Variants in PTPRD observed in about 807,000 individuals in gnomAD.
The protein encoded by PTPRD is protein tyrosine phosphatase receptor type D, also known as receptor-type tyrosine-protein phosphatase delta.
PTPRD carries 34 observed loss-of-function variants against 214.5 expected under a neutral mutation model. That is an observed-to-expected ratio of 0.16 (90% confidence interval 0.12 to 0.21). PTPRD has a LOEUF of 0.21. Ranked by LOEUF, PTPRD falls within the 10% of genes least tolerant of loss-of-function variation. PTPRD has a pLI of 1.00. For synonymous variants in PTPRD, 1,128 were observed against 845.7 expected (o/e 1.33, Z -5.79); for missense variants, 2,545 against 2,398.7 (o/e 1.06, Z -1.27).
At chr9:8,536,443 A>G (rs1395624975) in intron 14 of PTPRD, among the ~76,000 whole-genome samples, 2 of 151,940 alleles carry the variant, frequency 1.3e-5, no homozygotes, top group Non-Finnish European at 2.9e-5. Context: ...ATATACGTAT[A>G]TAAATGTATA....
intron 11 of PTPRD, among the ~76,000 whole-genome samples, chr9:8,837,003 A>G (rs1237568813): frequency 6.7e-6 from 1 of 148,726 alleles, no homozygotes; most frequent in African/African-American, 2.5e-5. Flanking sequence ...TCTAGATTAC[A>G]GGCGTGAGCC....
At chr9:9,944,038 C>A (rs1025611976) in intron 4 of PTPRD, among the ~76,000 whole-genome samples, 1 of 152,124 alleles carries the variant, frequency 6.6e-6, no homozygotes, top group Non-Finnish European at 1.5e-5. Flanking sequence ...AGGCTTTAGT[C>A]TTCTTTTCTT....
At chr9:8,633,571 A>G in intron 13 of PTPRD, 113 bp from the exon 14 acceptor site, 1 of 1,224,126 alleles carries the variant, frequency 8.2e-7, no homozygotes, top group Non-Finnish European at 1.1e-6. Context: ...ACTAGGCATC[A>G]TTCTGAAACT....
chr9:9,499,039 G>T (rs2096302744), intron 8 of PTPRD, among the ~76,000 whole-genome samples: 1 of 151,840 alleles, frequency 6.6e-6, no homozygotes, highest in Non-Finnish European at 1.5e-5. Context: ...CAAAAGAGTA[G>T]ACATTGTAGC....
At chr9:9,309,948 G>T (rs1958394405) in intron 9 of PTPRD, among the ~76,000 whole-genome samples, 1 of 151,978 alleles carries the variant, frequency 6.6e-6, no homozygotes, top group African/African-American at 2.4e-5. Context: ...ATGGTGTGAA[G>T]ATTTTTTTTT....
At chr9:9,150,422 CATAAT>C (rs2099875698) in intron 10 of PTPRD, among the ~76,000 whole-genome samples, 1 of 147,198 alleles carries the variant, frequency 6.8e-6, no homozygotes, top group African/African-American at 2.5e-5. Context: ...TATAAAAATA[CATAAT>C]ATATTATATA....
At chr9:9,156,769 G>C (rs1159951119) in intron 10 of PTPRD, among the ~76,000 whole-genome samples, 1 of 152,126 alleles carries the variant, frequency 6.6e-6, no homozygotes, top group Non-Finnish European at 1.5e-5. Flanking sequence ...TCTCCATTTA[G>C]CTGATGGATC....
At chr9:10,042,285 G>A (rs1367879905) in intron 3 of PTPRD, among the ~76,000 whole-genome samples, 3 of 151,852 alleles carry the variant, frequency 2.0e-5, no homozygotes, top group African/African-American at 7.2e-5. Flanking sequence ...CAGTTCTGAG[G>A]AATCAGCAAA....
chr9:8,497,968 C>T (rs374769464), intron 25 of PTPRD, among the ~76,000 whole-genome samples: 9 of 152,156 alleles, frequency 5.9e-5, no homozygotes, highest in African/African-American at 2.2e-4. Context: ...CAAGATAAAA[C>T]GTAGCAATGA....
At chr9:9,718,821 G>A (rs1183356872) in intron 7 of PTPRD, among the ~76,000 whole-genome samples, 1 of 152,192 alleles carries the variant, frequency 6.6e-6, no homozygotes, top group Non-Finnish European at 1.5e-5. Context: ...AGCACAGGAG[G>A]GAGGCTGGGT....
At chr9:9,734,986 G>T (rs1198511105) in intron 6 of PTPRD, among the ~76,000 whole-genome samples, 1 of 151,954 alleles carries the variant, frequency 6.6e-6, no homozygotes, top group Non-Finnish European at 1.5e-5. Context: ...CCATTTTTCA[G>T]GTTTTTGCTG....
intron 34 of PTPRD, 57 bp downstream of exon 34, chr9:8,449,668 G>C (rs1163315294): frequency 4.7e-6 from 7 of 1,478,934 alleles, no homozygotes; most frequent in Non-Finnish European, 6.6e-6. Context: ...AATATCAATT[G>C]AGCTGTACAA....
At chr9:8,726,684 C>A (rs1195179070) in intron 12 of PTPRD, among the ~76,000 whole-genome samples, 2 of 124,156 alleles carry the variant, frequency 1.6e-5, no homozygotes, top group African/African-American at 6.0e-5. Context: ...ACCTGTAATC[C>A]CAGCTACTTG....
At chr9:10,004,984 G>C (rs1310963944) in intron 4 of PTPRD, among the ~76,000 whole-genome samples, 3 of 152,092 alleles carry the variant, frequency 2.0e-5, no homozygotes, top group African/African-American at 7.2e-5. Flanking sequence ...GTAAATGCTA[G>C]TTTCATGCCA....
chr9:8,565,659 A>G (rs926612217), intron 14 of PTPRD, among the ~76,000 whole-genome samples: 10 of 152,212 alleles, frequency 6.6e-5, no homozygotes, highest in Non-Finnish European at 1.3e-4. Context: ...ATCAAGAGGA[A>G]GGAAAAAAGA....
intron 3 of PTPRD, among the ~76,000 whole-genome samples, chr9:10,129,004 A>C (rs2098839517): frequency 6.6e-6 from 1 of 152,204 alleles, no homozygotes; most frequent in South Asian, 2.1e-4. Context: ...CTTTGGGAAT[A>C]CACAAAGATT....
intron 11 of PTPRD, among the ~76,000 whole-genome samples, chr9:8,976,001 C>T (rs936497669): frequency 1.3e-5 from 2 of 151,876 alleles, no homozygotes; most frequent in African/African-American, 4.8e-5. Context: ...TTCCACTTTG[C>T]CATTACTGTA....
At chr9:10,189,921 G>T (rs1174477510) in intron 3 of PTPRD, among the ~76,000 whole-genome samples, 1 of 152,074 alleles carries the variant, frequency 6.6e-6, no homozygotes, top group East Asian at 1.9e-4. Context: ...ACAAAACAGA[G>T]CACGGAAGAG....
intron 3 of PTPRD, among the ~76,000 whole-genome samples, chr9:10,145,416 G>C (rs776310243): frequency 3.9e-5 from 6 of 152,090 alleles, no homozygotes; most frequent in Non-Finnish European, 8.8e-5. Flanking sequence ...CAAAGAGAAA[G>C]AAGACTTTTA....
Sources: gnomAD v4.1 joint callset for allele counts (sites outside exome capture counted in the v4.1 genomes callset) on GRCh38, gnomAD v4.1.1 for gene constraint, MANE v1.5 for transcripts, NCBI Gene and HGNC (gene_info 2026-07-23, HGNC 2026-07-21) for gene names.